KCTD8: variants seen among roughly 807,000 people sequenced by gnomAD.
The protein encoded by KCTD8 is BTB/POZ domain-containing protein KCTD8.
Under a neutral mutation model 31.5 loss-of-function variants are expected in KCTD8, and 27 were observed. The observed-to-expected ratio is 0.86, with a 90% CI of 0.63 to 1.18. The LOEUF (loss-of-function observed/expected upper bound fraction) is 1.18, where lower values mean the gene tolerates loss of function less well. Ranked by LOEUF, KCTD8 falls within the 50% of genes most tolerant of loss-of-function variation. The pLI is 0.00. For synonymous variants in KCTD8, 290 were observed against 280.0 expected, an observed-to-expected ratio of 1.04 and a Z score of -0.36; for missense variants, 658 against 647.7, an observed-to-expected ratio of 1.02 and a Z score of -0.17.
intron 1 of KCTD8, among the ~76,000 whole-genome samples, chr4:44,328,089 C>G (rs1235965763): frequency 6.6e-6 from 1 of 151,948 alleles, no homozygotes; most frequent in African/African-American, 2.4e-5. Flanking sequence ...GATCCAAGTA[C>G]AAACACAAGA....
intron 1 of KCTD8, among the ~76,000 whole-genome samples, chr4:44,220,303 T>A (rs922281603): frequency 6.6e-6 from 1 of 152,188 alleles, no homozygotes. Context: ...GATATACTTA[T>A]GTTGTCTAAC....
chr4:44,193,467 C>G (rs1198609861), intron 1 of KCTD8, among the ~76,000 whole-genome samples: 1 of 152,088 alleles, frequency 6.6e-6, no homozygotes, highest in East Asian at 1.9e-4. Context: ...AACCAGCTTT[C>G]TTTAAATTCT....
intron 1 of KCTD8, among the ~76,000 whole-genome samples, chr4:44,436,787 C>A (rs1302878486): frequency 6.6e-6 from 1 of 151,948 alleles, no homozygotes; most frequent in Non-Finnish European, 1.5e-5. Flanking sequence ...ATACTAGAAA[C>A]TTTAAAAAAA....
intron 1 of KCTD8, among the ~76,000 whole-genome samples, chr4:44,235,556 T>G (rs1275111766): frequency 9.9e-5 from 9 of 90,564 alleles, no homozygotes; most frequent in African/African-American, 4.6e-4. Context: ...TATATATATA[T>G]ATATATATAT....
chr4:44,328,704 T>C (rs531283478), intron 1 of KCTD8, among the ~76,000 whole-genome samples: 1 of 152,092 alleles, frequency 6.6e-6, no homozygotes, highest in South Asian at 2.1e-4. Context: ...CTTTGACAAA[T>C]AATAAATGTG....
At chr4:44,198,184 C>A (rs557610706) in intron 1 of KCTD8, among the ~76,000 whole-genome samples, 1 of 152,250 alleles carries the variant, frequency 6.6e-6, no homozygotes, top group African/African-American at 2.4e-5. Context: ...AACTCACTGG[C>A]ATCCCTGGGA....
chr4:44,250,017 G>A (rs1455732637), intron 1 of KCTD8, among the ~76,000 whole-genome samples: 1 of 151,720 alleles, frequency 6.6e-6, no homozygotes, highest in Non-Finnish European at 1.5e-5. Context: ...TGTCGATTTT[G>A]TAGACATCTT....
At chr4:44,350,127 AC>A (rs1015325312) in intron 1 of KCTD8, among the ~76,000 whole-genome samples, 6 of 152,156 alleles carry the variant, frequency 3.9e-5, no homozygotes, top group Non-Finnish European at 7.3e-5. Context: ...ATTCCCCTTT[AC>A]TATTCTTCCT....
At chr4:44,399,009 C>T (rs1720579776) in intron 1 of KCTD8, among the ~76,000 whole-genome samples, 1 of 152,104 alleles carries the variant, frequency 6.6e-6, no homozygotes, top group African/African-American at 2.4e-5. Flanking sequence ...GATGATAAAA[C>T]CTTCAAGAAT....
At chr4:44,336,309 A>G (rs1718743402) in intron 1 of KCTD8, among the ~76,000 whole-genome samples, 1 of 151,848 alleles carries the variant, frequency 6.6e-6, no homozygotes, top group Admixed American at 6.6e-5. Context: ...TAGAATCTCT[A>G]AAGAATAAAT....
intron 1 of KCTD8, among the ~76,000 whole-genome samples, chr4:44,248,495 T>C (rs1715733104): frequency 6.6e-6 from 1 of 151,734 alleles, no homozygotes; most frequent in South Asian, 2.1e-4. Context: ...ACTGGCCTAC[T>C]TTACTCTTCT....
At chr4:44,266,310 G>C (rs915687324) in intron 1 of KCTD8, among the ~76,000 whole-genome samples, 23 of 151,796 alleles carry the variant, frequency 1.5e-4, no homozygotes, top group African/African-American at 5.3e-4. Context: ...ATAAGTGAAG[G>C]AGAAATAAAA....
At chr4:44,436,233 T>C (rs1721641141) in intron 1 of KCTD8, among the ~76,000 whole-genome samples, 1 of 152,050 alleles carries the variant, frequency 6.6e-6, no homozygotes, top group African/African-American at 2.4e-5. Flanking sequence ...CGAGTCAATG[T>C]CCACTTACAC....
chr4:44,292,563 C>T (rs1167957315), intron 1 of KCTD8, among the ~76,000 whole-genome samples: 4 of 152,124 alleles, frequency 2.6e-5, no homozygotes, highest in Non-Finnish European at 5.9e-5. Context: ...TACCTCAAAT[C>T]TCAGCATCAC....
At chr4:44,356,542 C>G (rs1392799126) in intron 1 of KCTD8, among the ~76,000 whole-genome samples, 1 of 152,134 alleles carries the variant, frequency 6.6e-6, no homozygotes, top group East Asian at 1.9e-4. Context: ...GGCACGATCT[C>G]AACTCACTGC....
intron 1 of KCTD8, among the ~76,000 whole-genome samples, chr4:44,220,580 C>T (rs1479672530): frequency 6.6e-6 from 1 of 152,136 alleles, no homozygotes; most frequent in Non-Finnish European, 1.5e-5. Flanking sequence ...ATTTTGACCT[C>T]TCTGTATTTC....
At chr4:44,216,366 T>C (rs1693212296) in intron 1 of KCTD8, among the ~76,000 whole-genome samples, 1 of 152,076 alleles carries the variant, frequency 6.6e-6, no homozygotes, top group Non-Finnish European at 1.5e-5. Context: ...TAAATAACAG[T>C]AACAATCATA....
At chr4:44,241,199 A>G (rs1715449112) in intron 1 of KCTD8, among the ~76,000 whole-genome samples, 1 of 152,240 alleles carries the variant, frequency 6.6e-6, no homozygotes, top group African/African-American at 2.4e-5. Context: ...ACTCTAAACA[A>G]AAAAGAAAAC....
chr4:44,317,161 A>G (rs549129097), intron 1 of KCTD8, among the ~76,000 whole-genome samples: 2 of 149,102 alleles, frequency 1.3e-5, no homozygotes, highest in African/African-American at 4.9e-5. Flanking sequence ...AGGAGTTAAT[A>G]TATCTAACAA....
Sources: allele counts gnomAD v4.1 joint callset (sites outside exome capture counted in the v4.1 genomes callset), GRCh38; gene constraint gnomAD v4.1.1; transcripts MANE v1.5; gene names NCBI Gene and HGNC (gene_info 2026-07-23, HGNC 2026-07-21).